Variants in YIPF1 observed in about 807,000 individuals in gnomAD.
The protein encoded by YIPF1 is protein YIPF1.
A neutral mutation model predicts 37.0 loss-of-function variants in YIPF1; 22 were observed. The observed-to-expected ratio is 0.59, with a 90% CI of 0.42 to 0.85. The LOEUF is 0.85. Among genes scored for constraint, YIPF1 ranks in the 40% least tolerant of loss-of-function variants. The pLI is 0.00. For missense variants in YIPF1, 355 were observed against 373.1 expected, an observed-to-expected ratio of 0.95 and a Z score of 0.40; for synonymous variants, 128 against 131.9, an observed-to-expected ratio of 0.97 and a Z score of 0.21.
chr1:53,878,280 C>T (rs374450302), intron 6 of YIPF1, 35 bp downstream of exon 6: 103 of 1,606,272 alleles, frequency 6.4e-5, no homozygotes, highest in Non-Finnish European at 8.7e-5. Context: ...CCAAGTTCAA[C>T]TGAAATACGG....
Position 53,888,912 on chromosome 1 carries a change from A to C in YIPF1, c.26T>G (p.Phe9Cys). MAAVDDLQ[F>C]EEFGNAATSL... is the part of the protein sequence containing the mutation. Reference sequence around the variant, plus strand: ...TGGGCACCCAACTGGTATACCTTCAAATTGCAAGTCATCTACTGCTGCCAT... The same window carrying C: ...TGGGCACCCAACTGGTATACCTTCACATTGCAAGTCATCTACTGCTGCCAT... The change falls in exon 3 of 11, where the codon TTT (phenylalanine) becomes TGT (cysteine). Residue 9 changes from phenylalanine (F) to cysteine (C), a missense_variant. By Grantham distance (205) the Phe-to-Cys change is radical. Coordinates refer to ENST00000072644, the MANE Select transcript of YIPF1 (RefSeq NM_018982.5). 6.3e-7 allele frequency: 1 copy of C among 1,592,390 alleles called. No individual in the cohort carries two copies. Among genetic ancestry groups the C allele is most frequent in the South Asian group, 1.1e-5 (1 of 89,986 alleles).
At chr1:53,878,815 G>T (rs2100738425) in intron 4 of YIPF1, 93 bp from the exon 5 acceptor site, 1 of 1,205,204 alleles carries the variant, frequency 8.3e-7, no homozygotes, top group Non-Finnish European at 1.1e-6. Context: ...TAATGGAAAA[G>T]CAAAACGTTT....
intron 6 of YIPF1, among the ~76,000 whole-genome samples, chr1:53,872,005 AGTGTGTGTGT>A (rs56411256): frequency 1.0e-4 from 15 of 144,120 alleles, no homozygotes; most frequent in Admixed American, 2.8e-4. Flanking sequence ...GTTGAGTGTC[AGTGTGTGTGT>A]GTGTGTGTGT....
At chr1:53,870,291 C>T (rs1247275504) in intron 7 of YIPF1, among the ~76,000 whole-genome samples, 4 of 150,938 alleles carry the variant, frequency 2.7e-5, no homozygotes, top group Non-Finnish European at 5.9e-5. Flanking sequence ...CCAACTCAGC[C>T]TCCTGAGTAG....
chr1:53,858,472 C>T (rs1283560234), intron 10 of YIPF1, among the ~76,000 whole-genome samples: 1 of 152,128 alleles, frequency 6.6e-6, no homozygotes, highest in Admixed American at 6.5e-5. Flanking sequence ...TATTGCTGAG[C>T]ACCTTAACTA....
At chr1:53,880,171 G>A (rs1650451338) in intron 4 of YIPF1, among the ~76,000 whole-genome samples, 1 of 152,042 alleles carries the variant, frequency 6.6e-6, no homozygotes, top group African/African-American at 2.4e-5. Context: ...CATCATCTCA[G>A]CCCAAAAGCT....
At chr1:53,863,666 C>T (rs765544994) in intron 9 of YIPF1, among the ~76,000 whole-genome samples, 12 of 152,138 alleles carry the variant, frequency 7.9e-5, no homozygotes, top group Non-Finnish European at 1.0e-4. Context: ...CTGGTTTCAG[C>T]GCCATCTGCC....
At chr1:53,875,092 A>G (rs2100735140) in intron 6 of YIPF1, among the ~76,000 whole-genome samples, 1 of 152,334 alleles carries the variant, frequency 6.6e-6, no homozygotes, top group Admixed American at 6.5e-5. Context: ...GGGTATAAGC[A>G]TCTTCAAACT....
chr1:53,870,160 C>CTCTTTTTTTTTTTTTTTT (rs1557605849), intron 7 of YIPF1, among the ~76,000 whole-genome samples: 1 of 91,214 alleles, frequency 1.1e-5, no homozygotes, highest in African/African-American at 4.4e-5. Context: ...CACCGGGTCT[C>CTCTTTTTTTTTTTTTTTT]TTTTTTTTTT....
rs187707823 is a variant in YIPF1, at chr1:53,864,172, G to A, written c.831+2028C>T. ...CCTCCTTCTCCTCACCAACTTCTCAGCCAGGCACGTGAGGGGAAGAACTTC... is the reference window on the plus strand; with the variant it reads ...CCTCCTTCTCCTCACCAACTTCTCAACCAGGCACGTGAGGGGAAGAACTTC... On this transcript the variant is annotated intron_variant, in intron 9 of 10. Coordinates refer to ENST00000072644, the MANE Select transcript of YIPF1 (RefSeq NM_018982.5). Among the ~76,000 whole-genome samples the A allele has an allele frequency of 6.7e-4, 102 of 152,276 alleles. 1 individual carries two copies. Among genetic ancestry groups the A allele is most frequent in the Admixed American group, 1.6e-3 (25 of 15,290 alleles).
chr1:53,865,955 C>A (rs111801583), intron 9 of YIPF1, among the ~76,000 whole-genome samples: 1 of 152,002 alleles, frequency 6.6e-6, no homozygotes, highest in Non-Finnish European at 1.5e-5. Context: ...GTTTAAGCCA[C>A]GATGCCCAGC....
At chr1:53,857,304 A>C (rs1236191372) in intron 10 of YIPF1, among the ~76,000 whole-genome samples, 1 of 152,228 alleles carries the variant, frequency 6.6e-6, no homozygotes, top group Non-Finnish European at 1.5e-5. Flanking sequence ...AACTGTGAGA[A>C]TGTGTATTGT....
chr1:53,884,697 C>G (rs1182535803), intron 3 of YIPF1, among the ~76,000 whole-genome samples: 1 of 152,228 alleles, frequency 6.6e-6, no homozygotes, highest in Admixed American at 6.5e-5. Context: ...TGTTACCAAA[C>G]TGCTTTCCAA....
At chr1:53,875,413 G>T (rs774017290) in intron 6 of YIPF1, among the ~76,000 whole-genome samples, 1 of 152,164 alleles carries the variant, frequency 6.6e-6, no homozygotes, top group African/African-American at 2.4e-5. Context: ...TACTCATGAA[G>T]ATGAGGTGGG....
At chr1:53,857,938 G>A (rs566578648) in intron 10 of YIPF1, among the ~76,000 whole-genome samples, 3 of 144,956 alleles carry the variant, frequency 2.1e-5, no homozygotes, top group African/African-American at 5.2e-5. Context: ...CCAAGATTGC[G>A]CCACTGCACT....
chr1:53,853,411 G>C (rs932722681), intron 10 of YIPF1, among the ~76,000 whole-genome samples: 1 of 152,196 alleles, frequency 6.6e-6, no homozygotes, highest in Non-Finnish European at 1.5e-5. Flanking sequence ...GGAATGTAAT[G>C]AATTTGAGGC....
chr1:53,885,021 G>A lies in YIPF1; in HGVS notation c.32-1745C>T, dbSNP rs549996395. On this transcript the variant is annotated intron_variant, in intron 3 of 10. Transcript: ENST00000072644. ...CTGAAGCCTCAATTGGCAATGTTTG[G>A]GTAGTTTAAGCAACATGAGGTTCTG... Among the ~76,000 whole-genome samples, 5 of 152,272 alleles carry A rather than the reference G, an allele frequency of 3.3e-5. No homozygotes were observed. The South Asian group carries it at 1.0e-3, about 32-fold the overall frequency.
intron 6 of YIPF1, among the ~76,000 whole-genome samples, chr1:53,876,438 C>T (rs773007179): frequency 1.3e-5 from 2 of 152,208 alleles, no homozygotes; most frequent in Non-Finnish European, 2.9e-5. Context: ...CTTCCTCTAA[C>T]CTCCACCCAC....
chr1:53,853,829 CA>C (rs1649654592), intron 10 of YIPF1, among the ~76,000 whole-genome samples: 1 of 152,204 alleles, frequency 6.6e-6, no homozygotes, highest in Admixed American at 6.5e-5. Context: ...AAGGTAGGGA[CA>C]AACGGGCCCA....
Sources: gnomAD v4.1 joint callset for allele counts (sites outside exome capture counted in the v4.1 genomes callset) on GRCh38, gnomAD v4.1.1 for gene constraint, MANE v1.5 for transcripts, NCBI Gene and HGNC (gene_info 2026-07-23, HGNC 2026-07-21) for gene names.